Variants in THBS4 observed in about 807,000 individuals in gnomAD.
THBS4 encodes thrombospondin-4.
THBS4 carries 90 observed loss-of-function variants against 115.7 expected under a neutral mutation model. The ratio of observed to expected loss-of-function variants is 0.78; its 90% CI spans 0.66 to 0.93. THBS4 has a LOEUF of 0.93. Among genes scored for constraint, THBS4 ranks in the 40% least tolerant of loss-of-function variants. The pLI is 0.00. For missense variants in THBS4, 1,087 were observed against 1,232.7 expected (o/e 0.88, Z 1.77); for synonymous variants, 460 against 479.3 (o/e 0.96, Z 0.53).
Position 80,059,530 on chromosome 5 carries a change from T to C in THBS4, c.784+39T>C, listed in dbSNP as rs1833553271. ...TAGTAATGGGCTCGCCTGAGTTGGA[T>C]GATGCAGGCTGATGAAGGGCTTGCG... On this transcript the variant is annotated intron_variant, in intron 6 of 21. Transcript: ENST00000350881. 5 of 1,611,314 alleles carry C rather than the reference T, an allele frequency of 3.1e-6. No individual in the cohort carries two copies. In the South Asian group the frequency reaches 3.3e-5, roughly 11 times the overall value.
chr5:80,047,279 T>C (rs923675707), intron 2 of THBS4, among the ~76,000 whole-genome samples: 1 of 152,218 alleles, frequency 6.6e-6, no homozygotes, highest in Non-Finnish European at 1.5e-5. Flanking sequence ...CATCTAATAC[T>C]GTGTCTAGTC....
chr5:80,071,308 A>G, intron 13 of THBS4, 128 bp downstream of exon 13: 3 of 1,452,804 alleles, frequency 2.1e-6, no homozygotes, highest in Non-Finnish European at 2.7e-6. Flanking sequence ...TGTGGCCTGC[A>G]TCTGGAAGAC....
At chr5:80,015,432 A>G (rs1427797417) in intron 2 of THBS4, among the ~76,000 whole-genome samples, 1 of 151,802 alleles carries the variant, frequency 6.6e-6, no homozygotes, top group Non-Finnish European at 1.5e-5. Context: ...GTAAGAGGAC[A>G]CCCCCTCAAG....
At chr5:80,014,242 C>T (rs1261047154) in intron 2 of THBS4, among the ~76,000 whole-genome samples, 1 of 152,184 alleles carries the variant, frequency 6.6e-6, no homozygotes, top group Non-Finnish European at 1.5e-5. Flanking sequence ...GCTTTGGAAT[C>T]TCACAGTGTC....
At chr5:80,083,048 C>A (rs1190272234) in intron 21 of THBS4, 32 bp from the exon 22 acceptor site, 1 of 1,603,426 alleles carries the variant, frequency 6.2e-7, no homozygotes, top group African/African-American at 1.3e-5. Flanking sequence ...GAAGGAGCCT[C>A]GCTAACCTCC....
intron 1 of THBS4, among the ~76,000 whole-genome samples, chr5:79,996,378 A>G (rs1304470370): frequency 6.6e-6 from 1 of 152,190 alleles, no homozygotes; most frequent in Admixed American, 6.5e-5. Flanking sequence ...AGATCAATTT[A>G]TATTTTACCA....
chr5:79,992,392 G>A lies in THBS4; in HGVS notation n.81+980G>A, dbSNP rs547306873. On this transcript the variant is annotated intron_variant and non_coding_transcript_variant, in intron 1 of 3. Transcript: ENST00000510218. ...TAACTAAAACTCAAAAGAAACCTCT[G>A]CAACTTTTCGTAAAATTACTATTCA... Among the ~76,000 whole-genome samples the A allele has an allele frequency of 4.2e-4, 64 of 152,234 alleles. 1 individual carries two copies. The South Asian group carries it at 0.013, about 30-fold the overall frequency.
intron 2 of THBS4, among the ~76,000 whole-genome samples, chr5:80,016,339 C>T (rs1369426382): frequency 6.6e-6 from 1 of 152,154 alleles, no homozygotes; most frequent in Admixed American, 6.5e-5. Flanking sequence ...CCCATTGTTG[C>T]CTTCCTCCCA....
intron 2 of THBS4, among the ~76,000 whole-genome samples, chr5:80,026,298 A>G (rs895146656): frequency 5.9e-5 from 9 of 152,348 alleles, no homozygotes; most frequent in Admixed American, 1.3e-4. Flanking sequence ...TGGTAACTCT[A>G]ATGCCCTGTG....
chr5:79,994,983 A>G (rs1831762345), intron 1 of THBS4, among the ~76,000 whole-genome samples: 1 of 152,220 alleles, frequency 6.6e-6, no homozygotes, highest in Non-Finnish European at 1.5e-5. Context: ...AGATTGGCAC[A>G]GAGTAAGGCA....
chr5:79,998,424 A>G (rs554484562), exon 2 of THBS4: 18 of 157,612 alleles, frequency 1.1e-4, no homozygotes, highest in Middle Eastern at 3.0e-3. Context: ...GAGCCTGTGG[A>G]GTTGTGAGTC....
intron 3 of THBS4, among the ~76,000 whole-genome samples, chr5:80,056,368 G>C (rs1283501542): frequency 1.3e-5 from 2 of 152,038 alleles, no homozygotes; most frequent in Non-Finnish European, 1.5e-5. Context: ...GAAAGGAAGG[G>C]CAAAAGTAAA....
Position 80,056,006 on chromosome 5 carries a change from T to C in THBS4, c.514T>C (p.Leu172=). 2 of 1,610,988 alleles carry C rather than the reference T, an allele frequency of 1.2e-6. No individual in the cohort carries two copies. Reference sequence around the variant, plus strand: ...CTCCCAGAAACCTGAGACCATTGAATTGAGGACTTTCCAGAGGAAGCCACA... The same window carrying C: ...CTCCCAGAAACCTGAGACCATTGAACTGAGGACTTTCCAGAGGAAGCCACA... The part of the protein sequence containing the change: ...GPSQKPETIE[L]RTFQRKPQDF... Residue 172 remains leucine (L), a synonymous_variant, in exon 3 of 22, where the codon TTG becomes CTG. Transcript: ENST00000350881.
At chr5:80,065,584 TATA>T in intron 9 of THBS4, 107 bp downstream of exon 9, 1 of 599,168 alleles carries the variant, frequency 1.7e-6, no homozygotes, top group Non-Finnish European at 2.3e-6. Context: ...GTGGGCATAA[TATA>T]TTTGATTGGC....
In THBS4 at chr5:80,059,725, G is replaced by C. The variant is rs1205809686; in HGVS notation, c.807G>C (p.Pro269=). ...TAGGTCCTCTCAAGTTTCAGTCTCCGACCCCAAGCACGGTGGTGCCCCCGG... is the reference window on the plus strand; with the variant it reads ...TAGGTCCTCTCAAGTTTCAGTCTCCCACCCCAAGCACGGTGGTGCCCCCGG... ...QACGPLKFQS[P]TPSTVVPPAP... The change falls in exon 7 of 22, where the codon CCG becomes CCC. Residue 269 remains proline, a synonymous_variant. Coordinates refer to ENST00000350881, the MANE Select transcript of THBS4 (RefSeq NM_003248.6). 2 of 1,614,100 alleles carry C rather than the reference G, an allele frequency of 1.2e-6. No individual in the cohort carries two copies. The highest frequency in any genetic ancestry group is 1.3e-5 in the African/African-American group (1 of 75,020).
At chr5:80,030,851 C>G (rs758455622), upstream of THBS4, among the ~76,000 whole-genome samples, 3 of 152,076 alleles carry the variant, frequency 2.0e-5, no homozygotes, top group Non-Finnish European at 2.9e-5. Flanking sequence ...ATTTCTGTTT[C>G]CTTCAAAAAT....
At chr5:79,997,009 A>G (rs2151148023) in intron 1 of THBS4, among the ~76,000 whole-genome samples, 1 of 151,650 alleles carries the variant, frequency 6.6e-6, no homozygotes, top group East Asian at 1.9e-4. Context: ...TATACTCAAA[A>G]ATACTAAATA....
At chr5:80,057,225 A>G (rs891881442) in intron 3 of THBS4, among the ~76,000 whole-genome samples, 4 of 152,232 alleles carry the variant, frequency 2.6e-5, no homozygotes, top group African/African-American at 9.6e-5. Context: ...ATTAGTGTTC[A>G]CCACCAAATA....
chr5:80,076,249 T>A (rs912766578), intron 15 of THBS4: 7 of 152,272 alleles, frequency 4.6e-5, no homozygotes, highest in Non-Finnish European at 2.9e-5. Context: ...GAATCCTCAT[T>A]GGATCCACTA....
Sources: allele counts gnomAD v4.1 joint callset (sites outside exome capture counted in the v4.1 genomes callset), GRCh38; gene constraint gnomAD v4.1.1; transcripts MANE v1.5; gene names NCBI Gene and HGNC (gene_info 2026-07-23, HGNC 2026-07-21).